Variants in PTPRD observed in about 807,000 individuals in gnomAD.
PTPRD encodes protein tyrosine phosphatase receptor type D.
PTPRD carries 34 observed loss-of-function variants against 214.5 expected under a neutral mutation model. The ratio of observed to expected loss-of-function variants is 0.16; its 90% CI spans 0.12 to 0.21. The LOEUF (loss-of-function observed/expected upper bound fraction) is 0.21. Ranked by LOEUF, PTPRD falls within the 10% of genes least tolerant of loss-of-function variation. The probability of loss-of-function intolerance (pLI) is 1.00; values close to 1 mark genes in which losing one functional copy is unlikely to be tolerated. For missense variants in PTPRD, 2,545 were observed against 2,398.7 expected, an observed-to-expected ratio of 1.06 and a Z score of -1.27; for synonymous variants, 1,128 against 845.7, an observed-to-expected ratio of 1.33 and a Z score of -5.79.
At chr9:9,191,754 C>A (rs145848596) in intron 9 of PTPRD, among the ~76,000 whole-genome samples, 88 of 152,004 alleles carry the variant, frequency 5.8e-4, no homozygotes, top group African/African-American at 2.1e-3. Context: ...CTTCTTGCAT[C>A]AATTAATTAA....
chr9:10,421,800 A>G (rs560910247), intron 2 of PTPRD, among the ~76,000 whole-genome samples: 2 of 151,772 alleles, frequency 1.3e-5, no homozygotes, highest in East Asian at 3.9e-4. Flanking sequence ...TTTATCTATA[A>G]TCTTAGTTAA....
At chr9:8,717,821 C>T (rs2098452994) in intron 12 of PTPRD, among the ~76,000 whole-genome samples, 1 of 152,176 alleles carries the variant, frequency 6.6e-6, no homozygotes, top group African/African-American at 2.4e-5. Flanking sequence ...TAATGCCCTC[C>T]ACAATTTCTC....
At chr9:9,789,568 C>A (rs2098951582) in intron 5 of PTPRD, among the ~76,000 whole-genome samples, 1 of 151,812 alleles carries the variant, frequency 6.6e-6, no homozygotes, top group Non-Finnish European at 1.5e-5. Context: ...GAGGCCGAGG[C>A]GGGCGGATCA....
intron 5 of PTPRD, among the ~76,000 whole-genome samples, chr9:9,784,271 T>A (rs1383382664): frequency 3.3e-5 from 5 of 152,034 alleles, no homozygotes; most frequent in Admixed American, 2.0e-4. Context: ...CTGCAAAGCA[T>A]TCATAAATCA....
chr9:8,483,695 C>G (rs2096937210), intron 30 of PTPRD, among the ~76,000 whole-genome samples: 1 of 152,210 alleles, frequency 6.6e-6, no homozygotes, highest in South Asian at 2.1e-4. Flanking sequence ...AAGGGAATCT[C>G]TTGAACCCGG....
intron 9 of PTPRD, among the ~76,000 whole-genome samples, chr9:9,221,744 G>T (rs748778870): frequency 9.2e-5 from 14 of 151,928 alleles, no homozygotes; most frequent in African/African-American, 3.4e-4. Context: ...CACTTTGGAG[G>T]ACCAGAATTC....
intron 7 of PTPRD, among the ~76,000 whole-genome samples, chr9:9,662,715 A>G (rs962265204): frequency 1.3e-5 from 2 of 151,606 alleles, no homozygotes; most frequent in Non-Finnish European, 3.0e-5. Context: ...TAGACAACAC[A>G]TATCTACTGA....
intron 39 of PTPRD, among the ~76,000 whole-genome samples, chr9:8,363,625 C>T (rs1265158243): frequency 6.6e-6 from 1 of 152,180 alleles, no homozygotes; most frequent in Non-Finnish European, 1.5e-5. Context: ...AGGAAATTCA[C>T]ATTGCACTTA....
chr9:9,548,819 A>G (rs1197974185), intron 8 of PTPRD, among the ~76,000 whole-genome samples: 1 of 152,166 alleles, frequency 6.6e-6, no homozygotes, highest in East Asian at 1.9e-4. Context: ...TAGACATAGC[A>G]ATACTAAATG....
intron 14 of PTPRD, among the ~76,000 whole-genome samples, chr9:8,606,308 T>C (rs1210737139): frequency 6.6e-6 from 1 of 152,166 alleles, no homozygotes; most frequent in Non-Finnish European, 1.5e-5. Flanking sequence ...GCTAATGTAA[T>C]GCCAGTATGC....
intron 11 of PTPRD, among the ~76,000 whole-genome samples, chr9:8,868,309 G>A (rs1033573732): frequency 9.9e-5 from 15 of 152,006 alleles, no homozygotes; most frequent in South Asian, 2.1e-4. Context: ...AGTGATTCTC[G>A]TGCCTCAGCC....
intron 5 of PTPRD, among the ~76,000 whole-genome samples, chr9:9,909,005 C>G (rs1601758032): frequency 6.6e-6 from 1 of 151,794 alleles, no homozygotes. Context: ...CATATATTAA[C>G]ATCATATTCT....
At chr9:10,188,804 CAA>C (rs930546283) in intron 3 of PTPRD, among the ~76,000 whole-genome samples, 26 of 152,202 alleles carry the variant, frequency 1.7e-4, no homozygotes, top group African/African-American at 5.5e-4. Context: ...ACTGTGACTA[CAA>C]AAGACACTAT....
intron 2 of PTPRD, among the ~76,000 whole-genome samples, chr9:10,537,151 A>G (rs1590306210): frequency 6.6e-6 from 1 of 152,162 alleles, no homozygotes; most frequent in Non-Finnish European, 1.5e-5. Flanking sequence ...GGCGAGATCT[A>G]TCAGATTATA....
At chr9:9,305,060 C>T (rs542344048) in intron 9 of PTPRD, among the ~76,000 whole-genome samples, 6 of 150,250 alleles carry the variant, frequency 4.0e-5, no homozygotes, top group Non-Finnish European at 7.4e-5. Context: ...GTCCCTAGTC[C>T]CTTCAATTCC....
At chr9:8,703,395 C>G (rs2098132725) in intron 12 of PTPRD, among the ~76,000 whole-genome samples, 1 of 152,120 alleles carries the variant, frequency 6.6e-6, no homozygotes, top group Admixed American at 6.6e-5. Context: ...AAAATTATTC[C>G]TCTTTACCCT....
intron 10 of PTPRD, among the ~76,000 whole-genome samples, chr9:9,096,757 T>C (rs1466144216): frequency 1.3e-5 from 2 of 152,174 alleles, no homozygotes; most frequent in African/African-American, 2.4e-5. Context: ...AAAAAAGTAT[T>C]ATGATTATGT....
intron 11 of PTPRD, among the ~76,000 whole-genome samples, chr9:8,819,896 T>C (rs2097013285): frequency 6.6e-6 from 1 of 152,258 alleles, no homozygotes; most frequent in Admixed American, 6.5e-5. Flanking sequence ...TTGTTCTCCT[T>C]GTCCACACAA....
At chr9:8,657,799 T>C (rs1420899984) in intron 12 of PTPRD, among the ~76,000 whole-genome samples, 1 of 152,234 alleles carries the variant, frequency 6.6e-6, no homozygotes, top group Non-Finnish European at 1.5e-5. Context: ...CATGGGTTTT[T>C]TTTAAAGGCA....
Sources: allele counts gnomAD v4.1 joint callset (sites outside exome capture counted in the v4.1 genomes callset), GRCh38; gene constraint gnomAD v4.1.1; transcripts MANE v1.5; gene names NCBI Gene and HGNC (gene_info 2026-07-23, HGNC 2026-07-21).